The following ILDR2 variants were observed in gnomAD, a reference collection of about 807,000 sequenced individuals.
ILDR2 encodes the protein immunoglobulin like domain containing receptor 2, also known as immunoglobulin-like domain-containing receptor 2.
In ILDR2, 25 loss-of-function variants were observed where a neutral mutation model predicts 66.8. The observed-to-expected ratio is 0.37, with a 90% CI of 0.27 to 0.52. The LOEUF is 0.52. ILDR2 is among the 20% of genes least tolerant of loss of function. ILDR2 has a pLI of 0.88. For synonymous variants in ILDR2, 367 were observed against 357.2 expected, an observed-to-expected ratio of 1.03 and a Z score of -0.31; for missense variants, 827 against 876.8, an observed-to-expected ratio of 0.94 and a Z score of 0.72.
In ILDR2 at chr1:166,975,372, G is replaced by A. The variant is rs1663533057; in HGVS notation, c.-104C>T. The A allele has an allele frequency of 1.4e-5, 12 of 884,870 alleles. No individual in the cohort carries two copies. The highest frequency in any genetic ancestry group is 1.8e-5 in the African/African-American group (1 of 56,744). 54.8% of individuals were successfully genotyped at this position (884,870 alleles called of 1,614,324 possible). On this transcript the variant is annotated 5_prime_UTR_variant, in exon 1 of 10. Coordinates refer to ENST00000271417, the MANE Select transcript of ILDR2 (RefSeq NM_199351.3). ...GGCAGCGGGCGGCGGCGGAGCGGCG[G>A]GCACCGGGCGTCCCTGGGCGCAGCG... is the stretch of plus-strand genomic sequence containing the variant.
rs1051450638 is a variant in ILDR2 at position 166,910,471 on chromosome 1, A to G, written c.*8884T>C. 1 of 152,248 alleles carries G rather than the reference A, an allele frequency of 6.6e-6. No individual in the cohort carries two copies. Among genetic ancestry groups the G allele is most frequent in the Non-Finnish European group, 1.5e-5 (1 of 68,040 alleles). The allele number at this position is 152,248 out of a possible 1,614,324, so 9.4% of individuals were successfully genotyped here. A position where few individuals can be genotyped will look rare whatever the true frequency, so the allele number is the denominator to read the frequency against. ...GCATTAAAATAAGCTATATAAATTC[A>G]TATGTAGCTTTTCCCTTAAGTAATG... is the stretch of plus-strand genomic sequence containing the variant. On this transcript the variant is annotated 3_prime_UTR_variant, in exon 10 of 10. Transcript: ENST00000271417.
chr1:166,919,379 T>A lies in ILDR2; in HGVS notation c.1896A>T (p.Pro632=). The part of the protein sequence containing the change: ...KEPAKKTNDF[P]TRMSLVV ...ATCAGACCACAAGGGACATCCTGGT[T>A]GGAAAGTCATTCTAGGAAAGAGCAG... Residue 632 remains proline (P), a synonymous_variant, in exon 10 of 10, where the codon CCA becomes CCT. Transcript: ENST00000271417. The A allele has an allele frequency of 6.2e-7, 1 of 1,609,404 alleles. No homozygotes were observed. Among genetic ancestry groups the A allele is most frequent in the Non-Finnish European group, 8.5e-7 (1 of 1,176,268 alleles).
At chr1:166,943,278 T>A (rs1250967810) in intron 3 of ILDR2, among the ~76,000 whole-genome samples, 1 of 151,610 alleles carries the variant, frequency 6.6e-6, no homozygotes, top group African/African-American at 2.4e-5. Context: ...GGATCATGAG[T>A]TCAGGAGATC....
chr1:166,964,215 T>C (rs1662799143), intron 1 of ILDR2, among the ~76,000 whole-genome samples: 1 of 152,192 alleles, frequency 6.6e-6, no homozygotes, highest in African/African-American at 2.4e-5. Context: ...TTTTCTGCTT[T>C]GCAGAGGAGG....
rs1659764742 is a variant in ILDR2, at chr1:166,919,330, A to G, written c.*25T>C. 6.2e-7 allele frequency: 1 copy of G among 1,605,678 alleles called. No homozygotes were observed. Among genetic ancestry groups the G allele is most frequent in the Non-Finnish European group, 8.5e-7 (1 of 1,172,944 alleles). ...CCCCGTAGTCCATGTCTGATTTCTCATTATCCAGAGAAATGTTGACAACAT... is the reference window on the plus strand; with the variant it reads ...CCCCGTAGTCCATGTCTGATTTCTCGTTATCCAGAGAAATGTTGACAACAT... On this transcript the variant is annotated 3_prime_UTR_variant, in exon 10 of 10. Transcript: ENST00000271417.
Position 166,916,697 on chromosome 1 carries a change from T to G in ILDR2, c.*2658A>C, listed in dbSNP as rs535903342. The G allele has an allele frequency of 6.6e-6, 1 of 152,372 alleles. No individual in the cohort carries two copies. Among genetic ancestry groups the G allele is most frequent in the Non-Finnish European group, 1.5e-5 (1 of 68,040 alleles). 9.4% of individuals were successfully genotyped at this position (152,372 alleles called of 1,614,324 possible). Reference sequence around the variant, plus strand: ...TCTACTGAAAGCCTGGAAGTCTGAATGATTTATCCAGTTCTACAAAGGACA... The same window carrying G: ...TCTACTGAAAGCCTGGAAGTCTGAAGGATTTATCCAGTTCTACAAAGGACA... On this transcript the variant is annotated 3_prime_UTR_variant, in exon 10 of 10. Coordinates refer to ENST00000271417, the MANE Select transcript of ILDR2 (RefSeq NM_199351.3).
intron 2 of ILDR2, among the ~76,000 whole-genome samples, chr1:166,901,230 C>T (rs1448989830): frequency 6.6e-6 from 1 of 152,188 alleles, no homozygotes; most frequent in African/African-American, 2.4e-5. Flanking sequence ...AGGTTCTTGG[C>T]AGCAACAACA....
At chr1:166,961,025 T>C (rs1176508464) in intron 1 of ILDR2, among the ~76,000 whole-genome samples, 1 of 152,220 alleles carries the variant, frequency 6.6e-6, no homozygotes, top group Non-Finnish European at 1.5e-5. Context: ...CAAGGCTGTG[T>C]GCTTGACCAC....
At chr1:166,956,690 C>A in intron 3 of ILDR2, 43 bp downstream of exon 3, 1 of 1,606,712 alleles carries the variant, frequency 6.2e-7, no homozygotes, top group Non-Finnish European at 8.5e-7. Flanking sequence ...AGTGCAAGTG[C>A]AAGTGGTCTA....
Position 166,919,051 on chromosome 1 carries a change from A to C in ILDR2, c.*304T>G. On this transcript the variant is annotated 3_prime_UTR_variant, in exon 10 of 10. Transcript: ENST00000271417. ...AACTCTCTTTCAGAATTGCAAATGG[A>C]GTCCTGGTTCTGTTAAGGGAGGAGG... The C allele has an allele frequency of 2.2e-6, 1 of 445,554 alleles. No homozygotes were observed. Among genetic ancestry groups the C allele is most frequent in the Non-Finnish European group, 4.0e-6 (1 of 253,008 alleles). 27.6% of individuals were successfully genotyped at this position (445,554 alleles called of 1,614,324 possible).
intron 1 of ILDR2, among the ~76,000 whole-genome samples, chr1:166,973,618 C>A (rs868116313): frequency 0.012 from 1,395 of 112,556 alleles, 83 homozygotes; most frequent in Middle Eastern, 0.026. Flanking sequence ...CCCCTCCCCC[C>A]CCCCCCCGAT....
At chr1:166,953,283 T>C (rs1222706523) in intron 3 of ILDR2, among the ~76,000 whole-genome samples, 2 of 152,298 alleles carry the variant, frequency 1.3e-5, no homozygotes, top group African/African-American at 4.8e-5. Flanking sequence ...TATTAAGATT[T>C]CTTCACTGGT....
chr1:166,936,956 T>C lies in ILDR2; in HGVS notation c.557-219A>G, dbSNP rs565207849. Among the ~76,000 whole-genome samples the C allele has an allele frequency of 6.8e-4, 104 of 152,192 alleles. No homozygotes were observed. The South Asian group carries it at 6.9e-3, about 10-fold the overall frequency. ...GAATGGAGAAGAGGGAAGAAGGTTA[T>C]CTATGTTACATTGGGTACATGTAAT... On this transcript the variant is annotated intron_variant, in intron 4 of 9. Transcript: ENST00000271417. The surrounding 1 kb of genome is among the most constrained non-coding windows in gnomAD (Gnocchi z 5.0).
At chr1:166,925,755 A>AAG (rs2101869632) in intron 7 of ILDR2, among the ~76,000 whole-genome samples, 1 of 152,292 alleles carries the variant, frequency 6.6e-6, no homozygotes, top group Non-Finnish European at 1.5e-5. Flanking sequence ...AGAGTCCATT[A>AAG]CCTTATGACC....
At chr1:166,947,759 G>A (rs2101944824) in intron 3 of ILDR2, among the ~76,000 whole-genome samples, 1 of 152,310 alleles carries the variant, frequency 6.6e-6, no homozygotes, top group African/African-American at 2.4e-5. Flanking sequence ...GGGTAACCAC[G>A]GTAACCGCGG....
chr1:166,899,259 G>T (rs1242387828), intron 2 of ILDR2, among the ~76,000 whole-genome samples: 1 of 151,912 alleles, frequency 6.6e-6, no homozygotes, highest in African/African-American at 2.4e-5. Flanking sequence ...CGGGCATAGT[G>T]GTGGGCACCT....
chr1:166,903,518 G>A (rs1020986462), downstream of ILDR2, among the ~76,000 whole-genome samples: 2 of 152,208 alleles, frequency 1.3e-5, no homozygotes, highest in Non-Finnish European at 2.9e-5. Context: ...CTAGTCACAT[G>A]GCCACAACTC....
In ILDR2 at chr1:166,957,890, T is replaced by A; in HGVS notation, c.258A>T (p.Glu86Asp). The stretch of plus-strand genomic sequence containing the variant: ...CCAAACAATCCAAGTAGGGGTCCCA[T>A]TCCAGGTTTCTCTTGCTGAGAGATT... ...RAQSLSKRNLEWDPYLDCLDS... is the reference protein window; with the variant it reads ...RAQSLSKRNLDWDPYLDCLDS... Residue 86 changes from glutamate to aspartate, a missense_variant, in exon 2 of 10, where the codon GAA becomes GAT. Glu to Asp is a conservative substitution (Grantham distance 45, BLOSUM62 2). Coordinates refer to ENST00000271417, the MANE Select transcript of ILDR2 (RefSeq NM_199351.3). The A allele has an allele frequency of 6.2e-7, 1 of 1,614,166 alleles. No individual in the cohort carries two copies. Among genetic ancestry groups the A allele is most frequent in the Non-Finnish European group, 8.5e-7 (1 of 1,180,020 alleles).
At chr1:166,899,521 T>C (rs1361543487) in intron 2 of ILDR2, among the ~76,000 whole-genome samples, 1 of 152,366 alleles carries the variant, frequency 6.6e-6, no homozygotes, top group Non-Finnish European at 1.5e-5. Flanking sequence ...TTGTGTAAGC[T>C]GTAATTGAGT....
Sources: gnomAD v4.1 joint callset for allele counts (sites outside exome capture counted in the v4.1 genomes callset) on GRCh38, gnomAD v4.1.1 for gene constraint, Gnocchi (gnomAD v3.1) non-coding constraint, MANE v1.5 for transcripts, NCBI Gene and HGNC (gene_info 2026-07-23, HGNC 2026-07-21) for gene names.